KCNJ3: variants seen among roughly 807,000 people sequenced by gnomAD.
KCNJ3 encodes the protein G protein-activated inward rectifier potassium channel 1.
KCNJ3 carries 4 observed loss-of-function variants against 39.2 expected under a neutral mutation model. That is an observed-to-expected ratio of 0.10 (90% confidence interval 0.05 to 0.23). The LOEUF is 0.23. Ranked by LOEUF, KCNJ3 falls within the 10% of genes least tolerant of loss-of-function variation. The probability of loss-of-function intolerance (pLI) is 1.00; values close to 1 mark genes in which losing one functional copy is unlikely to be tolerated. For synonymous variants in KCNJ3, 230 were observed against 237.4 expected (o/e 0.97, Z 0.29); for missense variants, 276 against 634.9 (o/e 0.43, Z 6.08).
At chr2:154,707,709 T>G (rs1685037187) in intron 1 of KCNJ3, among the ~76,000 whole-genome samples, 1 of 151,920 alleles carries the variant, frequency 6.6e-6, no homozygotes, top group Admixed American at 6.6e-5. Context: ...AAAGCAGAAC[T>G]TAGAATGGTC....
At chr2:154,712,351 A>T (rs887848512) in intron 2 of KCNJ3, among the ~76,000 whole-genome samples, 2 of 152,210 alleles carry the variant, frequency 1.3e-5, no homozygotes, top group Non-Finnish European at 2.9e-5. Flanking sequence ...ATTGCCTAGA[A>T]CAAGACAAAT....
intron 2 of KCNJ3, among the ~76,000 whole-genome samples, chr2:154,746,531 A>G (rs1315391224): frequency 1.3e-5 from 2 of 150,410 alleles, no homozygotes; most frequent in Non-Finnish European, 3.0e-5. Flanking sequence ...AATATTTTCT[A>G]TCTGAGGTTG....
chr2:154,810,953 G>A (rs1686999111), intron 2 of KCNJ3, among the ~76,000 whole-genome samples: 1 of 152,130 alleles, frequency 6.6e-6, no homozygotes. Flanking sequence ...ACTATCCAAA[G>A]TTAAATGTTA....
At chr2:154,765,260 T>G (rs2105191735) in intron 2 of KCNJ3, among the ~76,000 whole-genome samples, 1 of 152,338 alleles carries the variant, frequency 6.6e-6, no homozygotes, top group East Asian at 1.9e-4. Flanking sequence ...ACTTGCTTAT[T>G]AAGGAAGGCT....
chr2:154,711,912 G>A (rs1046000418), intron 2 of KCNJ3, among the ~76,000 whole-genome samples: 16 of 152,066 alleles, frequency 1.1e-4, no homozygotes, highest in African/African-American at 3.6e-4. Context: ...TAAGCTGGAA[G>A]ACAATACTTT....
At chr2:154,760,065 G>A (rs1686011434) in intron 2 of KCNJ3, among the ~76,000 whole-genome samples, 5 of 152,096 alleles carry the variant, frequency 3.3e-5, no homozygotes, top group Admixed American at 3.3e-4. Context: ...CTGCCAAATT[G>A]CTCTGCTAAG....
Position 154,796,334 on chromosome 2 carries a change from A to G in KCNJ3, c.920-58393A>G, listed in dbSNP as rs572029727. 5.3e-5 allele frequency among the ~76,000 whole-genome samples: 8 copies of G among 152,286 alleles called. 1 individual carries two copies. The South Asian group carries it at 1.0e-3, about 20-fold the overall frequency. On this transcript the variant is annotated intron_variant, in intron 2 of 2. Coordinates refer to ENST00000295101, the MANE Select transcript of KCNJ3 (RefSeq NM_002239.4). ...TTCTGTGGACATAAAATACCCCTTCATACAAAATTAAAAATGCAGTTTTCT... is the reference window on the plus strand; with the variant it reads ...TTCTGTGGACATAAAATACCCCTTCGTACAAAATTAAAAATGCAGTTTTCT...
chr2:154,841,166 G>A (rs1253409661), intron 2 of KCNJ3, among the ~76,000 whole-genome samples: 1 of 152,140 alleles, frequency 6.6e-6, no homozygotes, highest in Non-Finnish European at 1.5e-5. Flanking sequence ...TTTGTTAAAG[G>A]ACGTTTCTGC....
At chr2:154,817,473 C>A (rs896275733) in intron 2 of KCNJ3, among the ~76,000 whole-genome samples, 1 of 152,178 alleles carries the variant, frequency 6.6e-6, no homozygotes, top group Non-Finnish European at 1.5e-5. Flanking sequence ...TGCTGTTCAC[C>A]TATTAGATGT....
chr2:154,851,435 A>G (rs1376314255), intron 2 of KCNJ3, among the ~76,000 whole-genome samples: 2 of 152,234 alleles, frequency 1.3e-5, no homozygotes, highest in African/African-American at 2.4e-5. Context: ...ATTAACAGGC[A>G]TTACCTAAAC....
At chr2:154,716,792 G>C (rs1685188825) in intron 2 of KCNJ3, among the ~76,000 whole-genome samples, 1 of 152,044 alleles carries the variant, frequency 6.6e-6, no homozygotes, top group Non-Finnish European at 1.5e-5. Flanking sequence ...CATTTGATCT[G>C]TTTGTTTTTA....
intron 2 of KCNJ3, among the ~76,000 whole-genome samples, chr2:154,728,491 T>C (rs1314245093): frequency 6.6e-6 from 1 of 152,212 alleles, no homozygotes; most frequent in Non-Finnish European, 1.5e-5. Flanking sequence ...TCCCTATTAA[T>C]ATACTACAGG....
At chr2:154,822,824 T>C (rs1338139556) in intron 2 of KCNJ3, among the ~76,000 whole-genome samples, 1 of 151,998 alleles carries the variant, frequency 6.6e-6, no homozygotes, top group Non-Finnish European at 1.5e-5. Flanking sequence ...TAATCTGATA[T>C]AGTAGACAGA....
rs1399518305 is a variant in KCNJ3 at position 154,856,716 on chromosome 2, G to GT, written c.*1409dup. 2.6e-5 allele frequency: 4 copies of GT among 152,184 alleles called. No homozygotes were observed. Among genetic ancestry groups the GT allele is most frequent in the African/African-American group, 9.6e-5 (4 of 41,544 alleles). 9.4% of individuals were successfully genotyped at this position (152,184 alleles called of 1,614,324 possible). A position where few individuals can be genotyped will look rare whatever the true frequency, so the allele number is the denominator to read the frequency against. On this transcript the variant is annotated 3_prime_UTR_variant, in exon 3 of 3. Transcript: ENST00000295101. ...CTACCCAAATAATTTTAACAGTACT[G>GT]TTTTTTCTAATCCTGAAGTCTGATA...
chr2:154,703,479 ATGTGTGTGTGTG>A (rs3138640), intron 1 of KCNJ3, among the ~76,000 whole-genome samples: 1 of 148,178 alleles, frequency 6.7e-6, no homozygotes, highest in Non-Finnish European at 1.5e-5. Flanking sequence ...CTCCATATAT[ATGTGTGTGTGTG>A]TGTGTGTGTG....
chr2:154,707,627 T>G (rs1685036408), intron 1 of KCNJ3, among the ~76,000 whole-genome samples: 1 of 152,088 alleles, frequency 6.6e-6, no homozygotes, highest in East Asian at 1.9e-4. Context: ...TTGGGGAAAA[T>G]TATTTTAGAA....
chr2:154,750,739 T>C (rs1685826968), intron 2 of KCNJ3, among the ~76,000 whole-genome samples: 1 of 152,018 alleles, frequency 6.6e-6, no homozygotes, highest in South Asian at 2.1e-4. Flanking sequence ...CAGCAACTTT[T>C]GCCATTTTGT....
chr2:154,759,560 T>G (rs1218457943), intron 2 of KCNJ3, among the ~76,000 whole-genome samples: 1 of 152,058 alleles, frequency 6.6e-6, no homozygotes, highest in African/African-American at 2.4e-5. Flanking sequence ...TTTTAAAAAA[T>G]ATCTATCTAT....
At chr2:154,849,988 A>G (rs901357855) in intron 2 of KCNJ3, among the ~76,000 whole-genome samples, 1 of 140,514 alleles carries the variant, frequency 7.1e-6, no homozygotes, top group Non-Finnish European at 1.5e-5. Flanking sequence ...GAATATTGCA[A>G]TGCAATGTAC....
Sources: gnomAD v4.1 joint callset for allele counts (sites outside exome capture counted in the v4.1 genomes callset) on GRCh38, gnomAD v4.1.1 for gene constraint, MANE v1.5 for transcripts, NCBI Gene and HGNC (gene_info 2026-07-23, HGNC 2026-07-21) for gene names.